LRMDA: variants seen among roughly 807,000 people sequenced by gnomAD.
LRMDA encodes the protein leucine-rich melanocyte differentiation-associated protein.
LRMDA carries 18 observed loss-of-function variants against 29.8 expected under a neutral mutation model. That is an observed-to-expected ratio of 0.60 (90% confidence interval 0.42 to 0.90). The LOEUF (loss-of-function observed/expected upper bound fraction) is 0.90, where lower values mean the gene tolerates loss of function less well. LRMDA is among the 40% of genes least tolerant of loss of function. LRMDA has a pLI of 0.00. For synonymous variants in LRMDA, 125 were observed against 109.4 expected (o/e 1.14, Z -0.89); for missense variants, 273 against 273.9 (o/e 1.00, Z 0.02).
intron 6 of LRMDA, among the ~76,000 whole-genome samples, chr10:76,359,942 C>A (rs996562430): frequency 6.6e-5 from 10 of 152,092 alleles, no homozygotes; most frequent in Non-Finnish European, 1.3e-4. Flanking sequence ...ATCTCAGGAC[C>A]AAGAGCAACT....
chr10:75,764,947 G>T (rs1441561121), intron 2 of LRMDA, among the ~76,000 whole-genome samples: 2 of 151,416 alleles, frequency 1.3e-5, no homozygotes, highest in Non-Finnish European at 3.0e-5. Flanking sequence ...GTGTGTGTGT[G>T]TGTGTGTGTG....
intron 6 of LRMDA, among the ~76,000 whole-genome samples, chr10:76,542,693 C>T (rs191413630): frequency 4.6e-5 from 7 of 152,262 alleles, no homozygotes; most frequent in Admixed American, 1.3e-4. Context: ...ACACAGGCAG[C>T]GTGGAGTATC....
At chr10:76,153,060 C>T (rs972522898) in intron 5 of LRMDA, among the ~76,000 whole-genome samples, 5 of 151,992 alleles carry the variant, frequency 3.3e-5, no homozygotes, top group African/African-American at 1.2e-4. Flanking sequence ...ATGCTGGTCT[C>T]GAACTCCTGA....
intron 5 of LRMDA, among the ~76,000 whole-genome samples, chr10:76,299,156 C>CGTCTGT (rs1554863815): frequency 6.8e-6 from 1 of 147,206 alleles, no homozygotes; most frequent in African/African-American, 2.5e-5. Flanking sequence ...AGAGAAGAGC[C>CGTCTGT]GTGTGTGTGT....
At chr10:76,270,131 G>C (rs181664366) in intron 5 of LRMDA, 1 of 152,334 alleles carries the variant, frequency 6.6e-6, no homozygotes, top group Admixed American at 6.5e-5. Flanking sequence ...CCCTACTCTT[G>C]TGGAGTTAAT....
At chr10:75,897,036 G>A (rs948978797) in intron 2 of LRMDA, among the ~76,000 whole-genome samples, 2 of 152,144 alleles carry the variant, frequency 1.3e-5, no homozygotes, top group African/African-American at 4.8e-5. Context: ...GATTTACACT[G>A]GTTATAAATC....
At chr10:76,173,801 C>T (rs1850882927) in intron 5 of LRMDA, among the ~76,000 whole-genome samples, 1 of 152,160 alleles carries the variant, frequency 6.6e-6, no homozygotes, top group South Asian at 2.1e-4. Flanking sequence ...GCTGGGACTA[C>T]AGGCACGTGC....
chr10:76,463,740 T>C (rs1359451542), intron 6 of LRMDA, among the ~76,000 whole-genome samples: 1 of 152,040 alleles, frequency 6.6e-6, no homozygotes. Context: ...TTTGTTCTCT[T>C]CATAGCCTTG....
intron 2 of LRMDA, among the ~76,000 whole-genome samples, chr10:75,751,530 C>T (rs1052768374): frequency 4.6e-5 from 7 of 152,132 alleles, no homozygotes; most frequent in Admixed American, 4.6e-4. Context: ...TCAGTTTTGT[C>T]ATCCGTAAAA....
At chr10:76,487,212 C>T (rs1175867601) in intron 6 of LRMDA, among the ~76,000 whole-genome samples, 1 of 151,844 alleles carries the variant, frequency 6.6e-6, no homozygotes, top group Non-Finnish European at 1.5e-5. Flanking sequence ...GATTTGCATT[C>T]TGTATTCCTG....
intron 2 of LRMDA, among the ~76,000 whole-genome samples, chr10:76,023,811 A>T (rs942696782): frequency 6.6e-6 from 1 of 152,222 alleles, no homozygotes; most frequent in African/African-American, 2.4e-5. Context: ...TTAGCCACTG[A>T]CCTGCTTCAT....
At chr10:75,938,294 T>C (rs1202197436) in intron 2 of LRMDA, among the ~76,000 whole-genome samples, 1 of 152,214 alleles carries the variant, frequency 6.6e-6, no homozygotes, top group African/African-American at 2.4e-5. Context: ...CTCCACTAAA[T>C]AAATTTGCCA....
Position 76,413,484 on chromosome 10 carries a change from A to G in LRMDA, c.601+88999A>G, listed in dbSNP as rs558038387. ...GAAAGGGGTAATCCCTTACAAAACC[A>G]TCAGATCCCCTGAGACTTACTCACT... On this transcript the variant is annotated intron_variant, in intron 6 of 6. Coordinates refer to ENST00000611255, the MANE Select transcript of LRMDA (RefSeq NM_001305581.2). Among the ~76,000 whole-genome samples the G allele has an allele frequency of 3.3e-5, 5 of 152,266 alleles. No individual in the cohort carries two copies. In the East Asian group the frequency reaches 9.7e-4, roughly 29 times the overall value.
intron 2 of LRMDA, among the ~76,000 whole-genome samples, chr10:76,029,617 A>G (rs1848116828): frequency 6.6e-6 from 1 of 152,180 alleles, no homozygotes; most frequent in Admixed American, 6.5e-5. Flanking sequence ...TCCTTTTTCA[A>G]GTAACATTAA....
intron 5 of LRMDA, among the ~76,000 whole-genome samples, chr10:76,059,977 G>A (rs1848678880): frequency 6.6e-6 from 1 of 152,210 alleles, no homozygotes; most frequent in African/African-American, 2.4e-5. Context: ...AGTGTTAACA[G>A]TGCTCCCTAT....
intron 6 of LRMDA, among the ~76,000 whole-genome samples, chr10:76,416,339 G>T (rs1842014620): frequency 1.3e-5 from 2 of 152,182 alleles, no homozygotes; most frequent in Non-Finnish European, 1.5e-5. Flanking sequence ...ATTTTTCAGA[G>T]ATTTTAAAGA....
At chr10:76,470,475 G>A (rs901374551) in intron 6 of LRMDA, 14 of 151,838 alleles carry the variant, frequency 9.2e-5, no homozygotes, top group African/African-American at 3.4e-4. Flanking sequence ...TATTCACATG[G>A]ACAAAAGGTA....
intron 5 of LRMDA, among the ~76,000 whole-genome samples, chr10:76,164,247 G>A (rs1850695992): frequency 6.6e-6 from 1 of 152,144 alleles, no homozygotes. Context: ...TGTTTTGTCA[G>A]ATATTGAAAT....
At chr10:75,776,352 A>G (rs1843311860) in intron 2 of LRMDA, among the ~76,000 whole-genome samples, 1 of 152,174 alleles carries the variant, frequency 6.6e-6, no homozygotes, top group Non-Finnish European at 1.5e-5. Context: ...GGAAGAAGGG[A>G]CCCTGATCCA....
Sources: allele counts gnomAD v4.1 joint callset (sites outside exome capture counted in the v4.1 genomes callset), GRCh38; gene constraint gnomAD v4.1.1; transcripts MANE v1.5; gene names NCBI Gene and HGNC (gene_info 2026-07-23, HGNC 2026-07-21).